The following XKR4 variants were observed in gnomAD, a reference collection of about 807,000 sequenced individuals.
XKR4 encodes XK related 4.
In XKR4, 12 loss-of-function variants were observed where a neutral mutation model predicts 53.9. The ratio of observed to expected loss-of-function variants is 0.22; its 90% CI spans 0.14 to 0.36. XKR4 has a LOEUF of 0.36. Among genes scored for constraint, XKR4 ranks in the 10% least tolerant of loss-of-function variants. The pLI is 1.00. For missense variants in XKR4, 799 were observed against 859.5 expected (o/e 0.93, Z 0.88); for synonymous variants, 354 against 362.4 (o/e 0.98, Z 0.26).
chr8:55,149,876 G>A (rs1208195647), intron 1 of XKR4, among the ~76,000 whole-genome samples: 8 of 152,154 alleles, frequency 5.3e-5, no homozygotes, highest in Non-Finnish European at 1.2e-4. Context: ...GAGGGCCTTG[G>A]CTATTTATGG....
chr8:55,122,492 C>G (rs1816405415), intron 1 of XKR4, among the ~76,000 whole-genome samples: 1 of 152,072 alleles, frequency 6.6e-6, no homozygotes, highest in Non-Finnish European at 1.5e-5. Flanking sequence ...GTTGACGCCT[C>G]TTAGCTTTGA....
Position 55,177,239 on chromosome 8 carries a change from G to A in XKR4, c.806+73945G>A, listed in dbSNP as rs567725504. On this transcript the variant is annotated intron_variant, in intron 1 of 2. Coordinates refer to ENST00000327381, the MANE Select transcript of XKR4 (RefSeq NM_052898.2). ...TTTAGTAGAAACAGGGTTTCACCAT[G>A]TTGGCCAGGCTGGTCTCAAACTCCT... 9.9e-4 allele frequency among the ~76,000 whole-genome samples: 150 copies of A among 152,134 alleles called. 1 individual carries two copies. Among genetic ancestry groups the A allele is most frequent in the Non-Finnish European group, 1.8e-3 (120 of 68,000 alleles).
chr8:55,406,476 CA>C (rs1804684161), intron 2 of XKR4, among the ~76,000 whole-genome samples: 1 of 152,204 alleles, frequency 6.6e-6, no homozygotes, highest in Non-Finnish European at 1.5e-5. Context: ...CACAATCCCA[CA>C]GATCATATAC....
Position 55,529,640 on chromosome 8 carries a change from C to T in XKR4, c.*5413C>T, listed in dbSNP as rs1348646308. The T allele has an allele frequency of 1.3e-5, 2 of 152,186 alleles. No individual in the cohort carries two copies. The highest frequency in any genetic ancestry group is 1.9e-4 in the East Asian group (1 of 5,194). 9.4% of individuals were successfully genotyped at this position (152,186 alleles called of 1,614,324 possible). On this transcript the variant is annotated 3_prime_UTR_variant, in exon 3 of 3. Transcript: ENST00000327381. ...GCCCAAAGGTCCCACAGCTAGGAAACAGTGGGGCTGAGGGTTGAGCACAGC... is the reference window on the plus strand; with the variant it reads ...GCCCAAAGGTCCCACAGCTAGGAAATAGTGGGGCTGAGGGTTGAGCACAGC...
At chr8:55,203,843 C>G (rs987501022) in intron 1 of XKR4, among the ~76,000 whole-genome samples, 6 of 152,146 alleles carry the variant, frequency 3.9e-5, no homozygotes, top group Admixed American at 3.9e-4. Context: ...TTAACAAGCA[C>G]TCACGTAACT....
chr8:55,514,052 A>G (rs1462260502), intron 2 of XKR4, among the ~76,000 whole-genome samples: 1 of 152,178 alleles, frequency 6.6e-6, no homozygotes, highest in Non-Finnish European at 1.5e-5. Context: ...CATATGGCTG[A>G]CAAAGCCCAA....
intron 2 of XKR4, among the ~76,000 whole-genome samples, chr8:55,494,594 C>A (rs548793527): frequency 6.6e-6 from 1 of 152,256 alleles, no homozygotes; most frequent in African/African-American, 2.4e-5. Flanking sequence ...CTCCTCTCTG[C>A]AGCCAGGGTG....
chr8:55,168,053 C>T (rs1817094817), intron 1 of XKR4, among the ~76,000 whole-genome samples: 1 of 152,080 alleles, frequency 6.6e-6, no homozygotes. Context: ...GAATAAAATA[C>T]AACCATGAAA....
intron 1 of XKR4, among the ~76,000 whole-genome samples, chr8:55,340,295 G>A (rs971199665): frequency 6.6e-6 from 1 of 152,192 alleles, no homozygotes; most frequent in Non-Finnish European, 1.5e-5. Flanking sequence ...TTTGGTGGTG[G>A]CATTGGTTCT....
intron 1 of XKR4, among the ~76,000 whole-genome samples, chr8:55,348,694 AC>A (rs1803686365): frequency 7.9e-4 from 114 of 144,570 alleles, no homozygotes; most frequent in South Asian, 3.9e-3. Flanking sequence ...ACAAACATAC[AC>A]ACACACACAC....
At chr8:55,135,129 C>T (rs1816607532) in intron 1 of XKR4, 1 of 152,490 alleles carries the variant, frequency 6.6e-6, no homozygotes. Context: ...ACATTTGTAC[C>T]AACCTAATAT....
chr8:55,304,139 G>A (rs1819252257), intron 1 of XKR4, among the ~76,000 whole-genome samples: 1 of 152,142 alleles, frequency 6.6e-6, no homozygotes, highest in African/African-American at 2.4e-5. Flanking sequence ...GGCATTTAGT[G>A]CTATAAATTT....
chr8:55,297,691 A>G (rs1819120528), intron 1 of XKR4, among the ~76,000 whole-genome samples: 1 of 152,222 alleles, frequency 6.6e-6, no homozygotes, highest in Non-Finnish European at 1.5e-5. Context: ...ATGAAGACAT[A>G]TGACTACTTA....
chr8:55,522,657 G>T (rs1643952866), intron 2 of XKR4, among the ~76,000 whole-genome samples: 2 of 152,250 alleles, frequency 1.3e-5, no homozygotes, highest in Admixed American at 6.5e-5. Flanking sequence ...TATAAATGAG[G>T]ACACCCATTT....
At chr8:55,117,589 GTAGGTAT>G in intron 1 of XKR4, among the ~76,000 whole-genome samples, 1 of 152,288 alleles carries the variant, frequency 6.6e-6, no homozygotes, top group East Asian at 1.9e-4. Flanking sequence ...GGCTCCCAGG[GTAGGTAT>G]TATTGCTATT....
intron 1 of XKR4, among the ~76,000 whole-genome samples, chr8:55,256,543 A>G (rs1291427719): frequency 6.6e-6 from 1 of 152,224 alleles, no homozygotes; most frequent in East Asian, 1.9e-4. Flanking sequence ...ATGGGATGTT[A>G]GAGTTGAGCT....
intron 2 of XKR4, among the ~76,000 whole-genome samples, chr8:55,483,568 C>T (rs1806146641): frequency 6.6e-6 from 1 of 151,908 alleles, no homozygotes; most frequent in Non-Finnish European, 1.5e-5. Flanking sequence ...CAGGTGGAAA[C>T]ACTTGAAAAC....
chr8:55,466,539 G>A (rs1805773167), intron 2 of XKR4, among the ~76,000 whole-genome samples: 1 of 152,014 alleles, frequency 6.6e-6, no homozygotes, highest in Non-Finnish European at 1.5e-5. Context: ...AATGCTAAAT[G>A]ACAAGTTAAT....
chr8:55,402,409 C>T (rs1259496829), intron 2 of XKR4, among the ~76,000 whole-genome samples: 1 of 152,154 alleles, frequency 6.6e-6, no homozygotes, highest in African/African-American at 2.4e-5. Flanking sequence ...ATTGAGGTTT[C>T]CTTCAAGGAC....
Sources: allele counts gnomAD v4.1 joint callset (sites outside exome capture counted in the v4.1 genomes callset), GRCh38; gene constraint gnomAD v4.1.1; transcripts MANE v1.5; gene names NCBI Gene and HGNC (gene_info 2026-07-23, HGNC 2026-07-21).